The following APBB1IP variants were observed in gnomAD, a reference collection of about 807,000 sequenced individuals.
The protein encoded by APBB1IP is amyloid beta precursor protein binding family B member 1 interacting protein.
In APBB1IP, 27 loss-of-function variants were observed where a neutral mutation model predicts 64.9. The ratio of observed to expected loss-of-function variants is 0.42; its 90% CI spans 0.31 to 0.57. The LOEUF is 0.57. Among genes scored for constraint, APBB1IP ranks in the 20% least tolerant of loss-of-function variants. The pLI is 0.20. For missense variants in APBB1IP, 812 were observed against 845.5 expected, an observed-to-expected ratio of 0.96 and a Z score of 0.49; for synonymous variants, 392 against 331.0, an observed-to-expected ratio of 1.18 and a Z score of -2.00.
chr10:26,488,230 AT>A (rs1000173508), intron 2 of APBB1IP, among the ~76,000 whole-genome samples: 3 of 146,194 alleles, frequency 2.1e-5, no homozygotes, highest in Non-Finnish European at 4.4e-5. Flanking sequence ...ACTTTCTGCC[AT>A]TTTGTAGGAA....
intron 11 of APBB1IP, among the ~76,000 whole-genome samples, chr10:26,543,316 C>A (rs527547938): frequency 6.6e-6 from 1 of 151,802 alleles, no homozygotes; most frequent in African/African-American, 2.4e-5. Flanking sequence ...AAAATACAAA[C>A]AGTAGCTGGG....
chr10:26,519,474 C>T (rs1836375710), intron 8 of APBB1IP, among the ~76,000 whole-genome samples: 1 of 152,082 alleles, frequency 6.6e-6, no homozygotes, highest in Non-Finnish European at 1.5e-5. Context: ...GGGCATGCAA[C>T]ATGCTTTTAA....
chr10:26,442,960 C>CA lies in APBB1IP; in HGVS notation c.-1+4108dup, dbSNP rs1390878721. Among the ~76,000 whole-genome samples the CA allele has an allele frequency of 6.6e-5, 10 of 152,100 alleles. 1 individual carries two copies. In the South Asian group the frequency reaches 8.3e-4, roughly 13 times the overall value. ...AGGTTCTCCACCGACTCTGGGTGGT[C>CA]ACAAGCAGCTTGTGCTGTTCAGTAA... On this transcript the variant is annotated intron_variant, in intron 2 of 14. Coordinates refer to ENST00000376236, the MANE Select transcript of APBB1IP (RefSeq NM_019043.4).
chr10:26,477,806 C>A (rs375359957), intron 2 of APBB1IP, among the ~76,000 whole-genome samples: 3 of 152,188 alleles, frequency 2.0e-5, no homozygotes, highest in East Asian at 1.9e-4. Context: ...TCACAGTTCA[C>A]TGCAACCTCA....
chr10:26,496,945 T>C (rs942139328), intron 4 of APBB1IP, among the ~76,000 whole-genome samples: 6 of 152,076 alleles, frequency 3.9e-5, no homozygotes, highest in Admixed American at 1.3e-4. Context: ...CCCAGCACTT[T>C]AGGAGGCCAA....
chr10:26,541,599 G>A lies in APBB1IP; in HGVS notation c.1062G>A (p.Ala354=), dbSNP rs112949623. The A allele has an allele frequency of 5.7e-5, 92 of 1,609,772 alleles. No homozygotes were observed. The African/African-American group carries it at 6.3e-4, about 11-fold the overall frequency. Residue 354 remains alanine (A), a synonymous_variant, in exon 11 of 15, where the codon GCG becomes GCA. Transcript: ENST00000376236. ...TCTTTCAGACATCTCGAGATCTGGC[G>A]TGTTTTATACAGTTTGAAAATGTCA... is the stretch of plus-strand genomic sequence containing the variant. ...KGKTKTSRDL[A]CFIQFENVNI...
Position 26,567,314 on chromosome 10 carries a change from G to T in APBB1IP, c.1827G>T (p.Ala609=). 5.8e-6 allele frequency: 7 copies of T among 1,208,664 alleles called. No homozygotes were observed. Among genetic ancestry groups the T allele is most frequent in the Non-Finnish European group, 7.3e-6 (7 of 956,428 alleles). 74.9% of individuals were successfully genotyped at this position (1,208,664 alleles called of 1,614,324 possible). The stretch of plus-strand genomic sequence containing the variant: ...CGCCGCCGCCGCCGCCCGCGCCCGC[G>T]CCCGCCCCCGTCCCCGACTCCGCCA... ...PPPPPPPPAP[A]PAPVPDSARP... The change falls in exon 15 of 15, where the codon GCG becomes GCT. Residue 609 remains alanine (A), a synonymous_variant. Transcript: ENST00000376236.
chr10:26,560,166 C>T lies in APBB1IP; in HGVS notation c.1217C>T (p.Thr406Ile). The stretch of plus-strand genomic sequence containing the variant: ...TATCTCTGCTGTGATGACACAAGAA[C>T]CCTTAACCAGTGGGTCATGGGAATA... ...IKYLCCDDTR[T>I]LNQWVMGIRI... Residue 406 changes from threonine (T) to isoleucine (I), a missense_variant, in exon 12 of 15, where the codon ACC becomes ATC. Transcript: ENST00000376236. 3 of 1,614,146 alleles carry T rather than the reference C, an allele frequency of 1.9e-6. No individual in the cohort carries two copies. Among genetic ancestry groups the T allele is most frequent in the Non-Finnish European group, 2.5e-6 (3 of 1,180,034 alleles).
At chr10:26,493,006 C>T (rs1284833916) in intron 3 of APBB1IP, among the ~76,000 whole-genome samples, 3 of 152,174 alleles carry the variant, frequency 2.0e-5, no homozygotes, top group African/African-American at 7.2e-5. Context: ...GCAGACACCC[C>T]CAGAGCGGCC....
intron 10 of APBB1IP, among the ~76,000 whole-genome samples, chr10:26,539,451 GAAGA>G (rs1374286477): frequency 1.4e-5 from 2 of 148,134 alleles, no homozygotes; most frequent in African/African-American, 2.5e-5. Flanking sequence ...GTGAAGGAAG[GAAGA>G]AAGGAAGAAA....
intron 11 of APBB1IP, among the ~76,000 whole-genome samples, chr10:26,559,408 A>G (rs1445493929): frequency 6.6e-6 from 1 of 151,860 alleles, no homozygotes; most frequent in Non-Finnish European, 1.5e-5. Context: ...TACCAAAAAA[A>G]AAAACAACGT....
At chr10:26,504,974 T>C (rs911418551) in intron 6 of APBB1IP, among the ~76,000 whole-genome samples, 7 of 152,146 alleles carry the variant, frequency 4.6e-5, no homozygotes, top group Non-Finnish European at 7.4e-5. Context: ...TAGGCTTTTC[T>C]CGGACTCCTA....
At chr10:26,548,012 C>T in intron 11 of APBB1IP, among the ~76,000 whole-genome samples, 1 of 152,006 alleles carries the variant, frequency 6.6e-6, no homozygotes, top group East Asian at 1.9e-4. Flanking sequence ...GTCTATGTGT[C>T]TGTTTTTATG....
At chr10:26,486,140 G>A (rs1835888663) in intron 2 of APBB1IP, among the ~76,000 whole-genome samples, 1 of 152,180 alleles carries the variant, frequency 6.6e-6, no homozygotes, top group African/African-American at 2.4e-5. Flanking sequence ...GGACAAATTA[G>A]GAAGGACTTT....
At chr10:26,481,826 CGTGTGTGTGTGT>C (rs71521683) in intron 2 of APBB1IP, among the ~76,000 whole-genome samples, 28 of 143,344 alleles carry the variant, frequency 2.0e-4, no homozygotes, top group East Asian at 4.1e-4. Context: ...CATCTCATTA[CGTGTGTGTGTGT>C]GTGTGTGTGT....
At chr10:26,561,347 C>T (rs371421084) in intron 13 of APBB1IP, among the ~76,000 whole-genome samples, 2 of 149,024 alleles carry the variant, frequency 1.3e-5, no homozygotes, top group South Asian at 2.1e-4. Context: ...GGATTACAGG[C>T]GTGAACCATT....
Position 26,567,013 on chromosome 10 carries a change from C to T in APBB1IP, c.1526C>T (p.Pro509Leu), listed in dbSNP as rs1339919326. The T allele has an allele frequency of 1.9e-6, 3 of 1,572,140 alleles. No individual in the cohort carries two copies. The African/African-American group carries it at 4.2e-5, about 22-fold the overall frequency. ...CACGACCCGGCAGTGCCCCGGGCCC[C>T]GCACGCCCCCAAGTCCAGCCTGCCC... ...NHHDPAVPRA[P>L]HAPKSSLPPP... is the part of the protein sequence containing the mutation. The change falls in exon 15 of 15, where the codon CCG becomes CTG. Residue 509 changes from proline to leucine, a missense_variant. Physicochemically the swap from Pro to Leu is moderately conservative, Grantham distance 98. This residue lies in a region of APBB1IP where 381 missense variants were observed against 352.1 expected (regional missense o/e 1.08). Transcript: ENST00000376236.
At chr10:26,459,706 T>G (rs529869992) in intron 2 of APBB1IP, among the ~76,000 whole-genome samples, 28 of 152,358 alleles carry the variant, frequency 1.8e-4, no homozygotes, top group Non-Finnish European at 4.0e-4. Context: ...TTAAGGAGTT[T>G]TTTTTAAAAT....
chr10:26,468,895 G>C (rs1564353015), intron 2 of APBB1IP, among the ~76,000 whole-genome samples: 1 of 152,112 alleles, frequency 6.6e-6, no homozygotes, highest in Non-Finnish European at 1.5e-5. Flanking sequence ...GGACAGTCGT[G>C]TCCCCACAGG....
Sources: allele counts gnomAD v4.1 joint callset (sites outside exome capture counted in the v4.1 genomes callset), GRCh38; gene constraint gnomAD v4.1.1; regional missense constraint gnomAD v4.1.1; transcripts MANE v1.5; gene names NCBI Gene and HGNC (gene_info 2026-07-23, HGNC 2026-07-21).